Variants in IPO7 observed in about 807,000 individuals in gnomAD.
IPO7 encodes importin 7.
A neutral mutation model predicts 136.4 loss-of-function variants in IPO7; 13 were observed. That is an observed-to-expected ratio of 0.10 (90% confidence interval 0.06 to 0.15). The LOEUF (loss-of-function observed/expected upper bound fraction) is 0.15. Among genes scored for constraint, IPO7 ranks in the 10% least tolerant of loss-of-function variants. The pLI is 1.00. For synonymous variants in IPO7, 403 were observed against 404.4 expected, an observed-to-expected ratio of 1.00 and a Z score of 0.04; for missense variants, 857 against 1,240.6, an observed-to-expected ratio of 0.69 and a Z score of 4.65.
At chr11:9,397,341 A>AAAAAAAAAAAAAAAAAAAAAAATAT in intron 1 of IPO7, among the ~76,000 whole-genome samples, 3 of 10,762 alleles carry the variant, frequency 2.8e-4, no homozygotes, top group Non-Finnish European at 5.5e-4. Context: ...TTTAAAAAAA[A>AAAAAAAAAAAAAAAAAAAAAAATAT]ATATATATAT....
chr11:9,408,450 G>A lies in IPO7; in HGVS notation c.167-36G>A, dbSNP rs201124015. ...GTGGGATTTTCACAGTACTTTCACA[G>A]TAAACATTCTTTTGTCAAACTGATC... On this transcript the variant is annotated intron_variant, in intron 2 of 24. Coordinates refer to ENST00000379719, the MANE Select transcript of IPO7 (RefSeq NM_006391.3). The A allele has an allele frequency of 3.7e-6, 5 of 1,369,842 alleles. No individual in the cohort carries two copies. The African/African-American group carries it at 7.4e-5, about 20-fold the overall frequency. The allele number at this position is 1,369,842 out of a possible 1,614,324, so 84.9% of individuals were successfully genotyped here.
intron 12 of IPO7, among the ~76,000 whole-genome samples, 183 bp from the exon 13 acceptor site, chr11:9,428,357 T>C (rs1247726686): frequency 6.6e-6 from 1 of 152,152 alleles, no homozygotes; most frequent in Non-Finnish European, 1.5e-5. Flanking sequence ...CGTGAAAATG[T>C]GTTTAGTGGT....
chr11:9,385,890 CTT>C, intron 1 of IPO7, among the ~76,000 whole-genome samples: 1 of 152,330 alleles, frequency 6.6e-6, no homozygotes, highest in South Asian at 2.1e-4. Flanking sequence ...GCTGCTGTAA[CTT>C]TTCTGCCAGT....
At chr11:9,436,197 A>G in intron 19 of IPO7, 74 bp from the exon 20 acceptor site, 3 of 993,918 alleles carry the variant, frequency 3.0e-6, no homozygotes, top group Non-Finnish European at 4.7e-6. Flanking sequence ...ACAGGGTAGG[A>G]AATTGTTTCC....
chr11:9,384,694 TGC>T lies in IPO7; in HGVS notation c.-67_-66del. 1 of 1,309,270 alleles carries T rather than the reference TGC, an allele frequency of 7.6e-7. No individual in the cohort carries two copies. Among genetic ancestry groups the T allele is most frequent in the Non-Finnish European group, 1.1e-6 (1 of 942,718 alleles). The allele number at this position is 1,309,270 out of a possible 1,614,324, so 81.1% of individuals were successfully genotyped here. On this transcript the variant is annotated 5_prime_UTR_variant, in exon 1 of 25. It removes the in-frame stop codon of an upstream open reading frame in the 5' UTR. Coordinates refer to ENST00000379719, the MANE Select transcript of IPO7 (RefSeq NM_006391.3). ...CGCTGCGGAGCGCGGCGGGTCCATG[TGC>T]GCAGTGAGTGGCGCTATTCCTGGCC... is the stretch of plus-strand genomic sequence containing the variant.
rs1336751340 is a variant in IPO7, at chr11:9,425,597, C to T, written c.1335+335C>T. 4.6e-5 allele frequency among the ~76,000 whole-genome samples: 7 copies of T among 151,974 alleles called. No individual in the cohort carries two copies. The East Asian group carries it at 9.6e-4, about 21-fold the overall frequency. On this transcript the variant is annotated intron_variant, in intron 12 of 24. Transcript: ENST00000379719. ...CTCTACTAAAAATACAAAAATCCGC[C>T]GGGCGTGATGGCTCACGCCTGTAAT...
intron 1 of IPO7, among the ~76,000 whole-genome samples, chr11:9,394,967 T>C (rs1042266349): frequency 4.5e-4 from 68 of 152,248 alleles, no homozygotes; most frequent in African/African-American, 1.6e-3. Flanking sequence ...GTTTTAGCCC[T>C]AATTAATGAT....
rs747912784 is a variant in IPO7, at chr11:9,435,046, T to C, written c.2172+15T>C. ...TGTGCAAAAAGGTAGGTCATTTTTATATATCAGATTTCATGAGGCTTCTGC... is the reference window on the plus strand; with the variant it reads ...TGTGCAAAAAGGTAGGTCATTTTTACATATCAGATTTCATGAGGCTTCTGC... On this transcript the variant is annotated intron_variant, in intron 19 of 24. Transcript: ENST00000379719. 1.4e-6 allele frequency: 2 copies of C among 1,440,158 alleles called. No individual in the cohort carries two copies. Among genetic ancestry groups the C allele is most frequent in the East Asian group, 4.5e-5 (2 of 44,048 alleles). 89.2% of individuals were successfully genotyped at this position (1,440,158 alleles called of 1,614,324 possible).
At chr11:9,412,276 A>G (rs919161285) in intron 4 of IPO7, among the ~76,000 whole-genome samples, 7 of 152,138 alleles carry the variant, frequency 4.6e-5, no homozygotes, top group Non-Finnish European at 1.0e-4. Context: ...GGTAGGAAAA[A>G]AAATAGCTTT....
Position 9,433,792 on chromosome 11 carries a change from C to T in IPO7, c.2020C>T (p.Leu674=). ...CQQVSPQMWQ[L]LPLVFEVFQQ... ...ACAAGTGTCTCCACAGATGTGGCAG[C>T]TACTACCCCTTGTATTTGAAGTCTT... Residue 674 remains leucine, a synonymous_variant, in exon 18 of 25, where the codon CTA becomes TTA. Transcript: ENST00000379719. 3.1e-6 allele frequency: 5 copies of T among 1,611,486 alleles called. No homozygotes were observed. The highest frequency in any genetic ancestry group is 4.2e-6 in the Non-Finnish European group (5 of 1,179,584).
At position 9,409,933 on chromosome 11, in the gene IPO7, A is replaced by G; in HGVS notation, c.326A>G (p.Gln109Arg). ...TGTTTTTTTTTGGCTTCCAGGGTAC[A>G]GCTTACTACATGCATTCATCACATC... is the stretch of plus-strand genomic sequence containing the variant. ...IIHSPELIRVQLTTCIHHIIK... is the reference protein window; with the variant it reads ...IIHSPELIRVRLTTCIHHIIK... The change falls in exon 4 of 25, where the codon CAG (glutamine) becomes CGG (arginine). Residue 109 changes from glutamine to arginine, a missense_variant. Gln to Arg is a conservative substitution (Grantham distance 43). Around this residue, in one of 11 missense-constraint regions of IPO7, gnomAD observed 287 missense variants for 307.5 expected, o/e 0.93. Coordinates refer to ENST00000379719, the MANE Select transcript of IPO7 (RefSeq NM_006391.3). The G allele has an allele frequency of 6.5e-7, 1 of 1,545,828 alleles. No homozygotes were observed.
chr11:9,435,091 T>G (rs2133761728), intron 19 of IPO7, 60 bp downstream of exon 19: 1 of 978,638 alleles, frequency 1.0e-6, no homozygotes, highest in African/African-American at 1.6e-5. Flanking sequence ...TATGAAATTG[T>G]GAAAACTCAT....
chr11:9,437,704 T>C (rs930580271), intron 20 of IPO7, 50 bp from the exon 21 acceptor site: 14 of 1,309,822 alleles, frequency 1.1e-5, no homozygotes, highest in Non-Finnish European at 1.5e-5. Context: ...TTAGAATGTT[T>C]GCATGCTATT....
intron 8 of IPO7, 87 bp downstream of exon 8, chr11:9,420,785 TAA>T (rs1855115953): frequency 1.1e-6 from 1 of 903,550 alleles, no homozygotes; most frequent in Admixed American, 2.0e-5. Context: ...CTTTGACATC[TAA>T]AGAGTGCCTG....
chr11:9,434,184 A>C (rs374922994), intron 18 of IPO7, among the ~76,000 whole-genome samples: 1 of 151,944 alleles, frequency 6.6e-6, no homozygotes, highest in African/African-American at 2.4e-5. Context: ...CAGCCTCCCA[A>C]AGTGCTGGGA....
Position 9,428,613 on chromosome 11 carries a change from G to A in IPO7, c.1409G>A (p.Gly470Asp), listed in dbSNP as rs1482185155. Reference sequence around the variant, plus strand: ...TTCCCTCTCTTCAGCAGTGAACTAGGCTACATGAGAGCAAGGGTATGTTTT... The same window carrying A: ...TTCCCTCTCTTCAGCAGTGAACTAGACTACATGAGAGCAAGGGTATGTTTT... Reference protein sequence around the residue: ...HVFPLFSSELGYMRARACWVL... With the variant: ...HVFPLFSSELDYMRARACWVL... The change falls in exon 13 of 25, where the codon GGC (glycine) becomes GAC (aspartate). Residue 470 changes from glycine (G) to aspartate (D), a missense_variant. This residue lies in a region of IPO7 where 127 missense variants were observed against 222.4 expected (regional missense o/e 0.57). Transcript: ENST00000379719. 1.9e-6 allele frequency: 3 copies of A among 1,562,556 alleles called. No individual in the cohort carries two copies. In the Admixed American group the frequency reaches 5.1e-5, roughly 27 times the overall value.
At position 9,432,201 on chromosome 11, in the gene IPO7, CT is replaced by C. The variant is rs557417149; in HGVS notation, c.1881+1216del. On this transcript the variant is annotated intron_variant, in intron 16 of 24. Coordinates refer to ENST00000379719, the MANE Select transcript of IPO7 (RefSeq NM_006391.3). ...TTGCAGCATGAGGTTTTTCACTAAA[CT>C]TTTTTTTTTTTTTTTTTGAGACAGA... Among the ~76,000 whole-genome samples, 747 of 134,824 alleles carry C rather than the reference CT, an allele frequency of 5.5e-3. 1 individual carries two copies. The highest frequency in any genetic ancestry group is 0.012 in the African/African-American group (444 of 36,538). 88.4% of individuals were successfully genotyped at this position (134,824 alleles called of 152,430 possible). A position where few individuals can be genotyped will look rare whatever the true frequency, so the allele number is the denominator to read the frequency against.
intron 18 of IPO7, 144 bp downstream of exon 18, chr11:9,433,990 C>A (rs1565003074): frequency 1.3e-6 from 1 of 750,428 alleles, no homozygotes. Context: ...ATGGTGCGAT[C>A]TCAGCTCATC....
chr11:9,391,139 G>A (rs374981924), intron 1 of IPO7, among the ~76,000 whole-genome samples: 2 of 152,110 alleles, frequency 1.3e-5, no homozygotes, highest in East Asian at 1.9e-4. Flanking sequence ...GGTGGCTCAC[G>A]CCTGTAATCC....
Sources: gnomAD v4.1 joint callset for allele counts (sites outside exome capture counted in the v4.1 genomes callset) on GRCh38, gnomAD v4.1.1 for gene constraint, gnomAD v4.1.1 regional missense constraint, MANE v1.5 for transcripts, NCBI Gene and HGNC (gene_info 2026-07-23, HGNC 2026-07-21) for gene names.